DOP1A: variants seen among roughly 807,000 people sequenced by gnomAD.
DOP1A encodes the protein protein DOP1A.
A neutral mutation model predicts 267.6 loss-of-function variants in DOP1A; 90 were observed. The ratio of observed to expected loss-of-function variants is 0.34; its 90% CI spans 0.28 to 0.40. DOP1A has a LOEUF of 0.40. DOP1A is among the 10% of genes least tolerant of loss of function. The pLI is 1.00. For missense variants in DOP1A, 2,437 were observed against 2,900.4 expected, an observed-to-expected ratio of 0.84 and a Z score of 3.67; for synonymous variants, 932 against 999.1, an observed-to-expected ratio of 0.93 and a Z score of 1.27.
Position 83,167,845 on chromosome 6 carries a change from C to CTTTTT in DOP1A, c.7093-16_7093-12dup. ...TGTCTGTTGTATTAATACCAGTTCA[C>CTTTTT]TTTTTGTTTTCTGCAGAAAAATCCA... is the stretch of plus-strand genomic sequence containing the variant. On this transcript the variant is annotated splice_polypyrimidine_tract_variant and intron_variant, in intron 38 of 38. Transcript: ENST00000349129. 6.3e-7 allele frequency: 1 copy of CTTTTT among 1,592,956 alleles called. No homozygotes were observed. Among genetic ancestry groups the CTTTTT allele is most frequent in the Non-Finnish European group, 8.6e-7 (1 of 1,168,908 alleles).
At position 83,159,832 on chromosome 6, in the gene DOP1A, G is replaced by A. The variant is rs200352312; in HGVS notation, c.6834G>A (p.Thr2278=). The A allele has an allele frequency of 3.8e-5, 61 of 1,614,120 alleles. No homozygotes were observed. Among genetic ancestry groups the A allele is most frequent in the Non-Finnish European group, 4.8e-5 (57 of 1,180,030 alleles). Residue 2278 remains threonine (T), a synonymous_variant, in exon 37 of 39, where the codon ACG becomes ACA. Transcript: ENST00000349129. ...CCTCTGTGGCTGGTCTGGAGACAAC[G>A]TACACAGGAGGTAATGGCTTCTCTA... ...SGPSVAGLET[T]YTGGNGFSTS... is the part of the protein sequence containing the mutation.
chr6:83,139,877 T>C, intron 21 of DOP1A, 123 bp from the exon 22 acceptor site: 1 of 597,212 alleles, frequency 1.7e-6, no homozygotes, highest in Non-Finnish European at 2.9e-6. Flanking sequence ...TTTTAGCCAT[T>C]TGTTAATCTA....
chr6:83,137,712 G>A lies in DOP1A; in HGVS notation c.3670G>A (p.Gly1224Ser). 6.2e-7 allele frequency: 1 copy of A among 1,613,604 alleles called. No homozygotes were observed. The highest frequency in any genetic ancestry group is 8.5e-7 in the Non-Finnish European group (1 of 1,179,782). The change falls in exon 21 of 39, where the codon GGC becomes AGC. Residue 1224 changes from glycine (G) to serine (S), a missense_variant. Transcript: ENST00000349129. ...SQFLSVSAEG[G>S]HECVANGISR... ...GTTTCTGTCTGTGTCTGCAGAGGGA[G>A]GCCATGAGTGTGTGGCAAATGGAAT...
chr6:83,151,860 G>A (rs754140413), intron 28 of DOP1A, 23 bp from the exon 29 acceptor site: 24 of 1,611,172 alleles, frequency 1.5e-5, no homozygotes, highest in Non-Finnish European at 2.0e-5. Context: ...ACCATACATA[G>A]TTGTTCTTCC....
chr6:83,170,470 G>A (rs1470827052), downstream of DOP1A: 4 of 1,613,572 alleles, frequency 2.5e-6, no homozygotes, highest in Non-Finnish European at 3.4e-6. Flanking sequence ...TAACTCTCCT[G>A]TCTGCAACCT....
chr6:83,138,559 G>C lies in DOP1A; in HGVS notation c.4517G>C (p.Ser1506Thr). ...LFTELAKVIESSAKGFPSFIS... is the reference protein window; with the variant it reads ...LFTELAKVIETSAKGFPSFIS... Reference sequence around the variant, plus strand: ...ACTGAGCTGGCAAAAGTAATAGAAAGCTCAGCGAAGGGTTTCCCTAGTTTT... The same window carrying C: ...ACTGAGCTGGCAAAAGTAATAGAAACCTCAGCGAAGGGTTTCCCTAGTTTT... Residue 1506 changes from serine (S) to threonine (T), a missense_variant, in exon 21 of 39, where the codon AGC (serine) becomes ACC (threonine). Transcript: ENST00000349129. The C allele has an allele frequency of 1.9e-6, 3 of 1,613,806 alleles. No homozygotes were observed. The highest frequency in any genetic ancestry group is 2.5e-6 in the Non-Finnish European group (3 of 1,179,930).
chr6:83,118,877 AACTCTTTCAGGCC>A lies in DOP1A; in HGVS notation c.781-6_787del. The A allele has an allele frequency of 1.2e-6, 2 of 1,612,640 alleles. No individual in the cohort carries two copies. The highest frequency in any genetic ancestry group is 1.7e-6 in the Non-Finnish European group (2 of 1,178,842). On this transcript the variant is annotated splice_acceptor_variant and splice_polypyrimidine_tract_variant and coding_sequence_variant and intron_variant, in exon 8 of 39. Coordinates refer to ENST00000349129, the MANE Select transcript of DOP1A (RefSeq NM_015018.4). LOFTEE classifies it high-confidence loss of function. ...TATTGCTAAGTACAACCATATTCCT[AACTCTTTCAGGCC>A]ACTCGACCGGATATGATCAGGATCT...
In DOP1A at chr6:83,108,985, T is replaced by C. The variant is rs1279788012; in HGVS notation, c.396T>C (p.Tyr132=). The C allele has an allele frequency of 6.2e-7, 1 of 1,613,866 alleles. No homozygotes were observed. The highest frequency in any genetic ancestry group is 8.5e-7 in the Non-Finnish European group (1 of 1,179,888). Residue 132 remains tyrosine (Y), a synonymous_variant, in exon 5 of 39, where the codon TAT becomes TAC. Coordinates refer to ENST00000349129, the MANE Select transcript of DOP1A (RefSeq NM_015018.4). The stretch of plus-strand genomic sequence containing the variant: ...CATTGCTCAGTTTGTATGAGATATA[T>C]TATCTGCCTTTGGGTAAAACACTGA... The part of the protein sequence containing the change: ...KPTLLSLYEI[Y]YLPLGKTLKP...
intron 31 of DOP1A, 129 bp downstream of exon 31, chr6:83,153,749 A>G: frequency 8.5e-7 from 1 of 1,179,634 alleles, no homozygotes; most frequent in Non-Finnish European, 1.2e-6. Context: ...ATTGTTTAAA[A>G]AAATTCATAT....
rs952596056 is a variant in DOP1A at position 83,162,127 on chromosome 6, C to T, written c.6963-663C>T. ...TTGTGTGAATATATACTCTTTTGGG[C>T]ATAAACTCTCTGGACGGACTTACGA... On this transcript the variant is annotated intron_variant, in intron 37 of 38. Coordinates refer to ENST00000349129, the MANE Select transcript of DOP1A (RefSeq NM_015018.4). Among the ~76,000 whole-genome samples, 4 of 152,168 alleles carry T rather than the reference C, an allele frequency of 2.6e-5. No homozygotes were observed. In the South Asian group the frequency reaches 8.3e-4, roughly 32 times the overall value.
At chr6:83,131,934 G>GACAACGCCT (rs1354889884) in intron 17 of DOP1A, among the ~76,000 whole-genome samples, 1 of 152,136 alleles carries the variant, frequency 6.6e-6, no homozygotes, top group Middle Eastern at 3.2e-3. Flanking sequence ...ACCATGTTCA[G>GACAACGCCT]ACAACGCCTG....
chr6:83,139,988 A>G lies in DOP1A; in HGVS notation c.5121-12A>G. On this transcript the variant is annotated splice_polypyrimidine_tract_variant and intron_variant, in intron 21 of 38. Transcript: ENST00000349129. ...ATAAAACTTGTGTTTAAATGAATGCATTTTACTTCAGGCCTCTGTGGATGG... is the reference window on the plus strand; with the variant it reads ...ATAAAACTTGTGTTTAAATGAATGCGTTTTACTTCAGGCCTCTGTGGATGG... 6.3e-7 allele frequency: 1 copy of G among 1,586,778 alleles called. No individual in the cohort carries two copies. Among genetic ancestry groups the G allele is most frequent in the Non-Finnish European group, 8.6e-7 (1 of 1,156,810 alleles).
chr6:83,145,430 TA>T, intron 24 of DOP1A, 93 bp from the exon 25 acceptor site: 5 of 1,144,018 alleles, frequency 4.4e-6, no homozygotes, highest in Non-Finnish European at 4.7e-6. Flanking sequence ...TTAAAAAATA[TA>T]AAAAAAGAAG....
At position 83,148,942 on chromosome 6, in the gene DOP1A, A is replaced by G; in HGVS notation, c.5837+79A>G. ...TAGTTGCCAAGTATTAGTAATAGAT[A>G]TTTTAGGTGACAGTGATCTCTCTAC... is the stretch of plus-strand genomic sequence containing the variant. On this transcript the variant is annotated intron_variant, in intron 27 of 38. Coordinates refer to ENST00000349129, the MANE Select transcript of DOP1A (RefSeq NM_015018.4). 3.7e-6 allele frequency: 3 copies of G among 804,046 alleles called. No individual in the cohort carries two copies. The East Asian group carries it at 9.6e-5, about 26-fold the overall frequency. The allele number at this position is 804,046 out of a possible 1,614,324, so 49.8% of individuals were successfully genotyped here.
chr6:83,139,407 TC>T (rs1190712701), intron 21 of DOP1A, among the ~76,000 whole-genome samples: 1 of 152,172 alleles, frequency 6.6e-6, no homozygotes, highest in Non-Finnish European at 1.5e-5. Context: ...AAAATTAATT[TC>T]AATGCTCTTC....
chr6:83,128,880 C>T lies in DOP1A; in HGVS notation c.1720-7C>T. 1.3e-6 allele frequency: 2 copies of T among 1,515,022 alleles called. No homozygotes were observed. Among genetic ancestry groups the T allele is most frequent in the Non-Finnish European group, 1.8e-6 (2 of 1,133,580 alleles). The allele number at this position is 1,515,022 out of a possible 1,614,324, so 93.8% of individuals were successfully genotyped here. A position where few individuals can be genotyped will look rare whatever the true frequency, so the allele number is the denominator to read the frequency against. On this transcript the variant is annotated splice_polypyrimidine_tract_variant and splice_region_variant and intron_variant, in intron 15 of 38. Coordinates refer to ENST00000349129, the MANE Select transcript of DOP1A (RefSeq NM_015018.4). The stretch of plus-strand genomic sequence containing the variant: ...CAGCCTTTTGTTTTCTTAAAAATCT[C>T]TAACAGGTATCATCAGTTTCTCATG...
rs757163305 is a variant in DOP1A at position 83,147,240 on chromosome 6, ATCT to A, written c.5683_5685del (p.Leu1895del). On this transcript the variant is annotated inframe_deletion, in exon 26 of 39. Coordinates refer to ENST00000349129, the MANE Select transcript of DOP1A (RefSeq NM_015018.4). ...ATTGATTTCTTTTATTTATAGAAAC[ATCT>A]TTCTTTGGAAGTCTGCATGCTTCAG... 2.7e-6 allele frequency: 4 copies of A among 1,464,288 alleles called. No homozygotes were observed. The South Asian group carries it at 5.4e-5, about 20-fold the overall frequency. The allele number at this position is 1,464,288 out of a possible 1,614,324, so 90.7% of individuals were successfully genotyped here. A position where few individuals can be genotyped will look rare whatever the true frequency, so the allele number is the denominator to read the frequency against.
intron 1 of DOP1A, among the ~76,000 whole-genome samples, chr6:83,080,052 T>C (rs566252818): frequency 1.3e-5 from 2 of 152,294 alleles, no homozygotes; most frequent in East Asian, 3.9e-4. Flanking sequence ...ATGTGGTCAA[T>C]CTAGATAATT....
chr6:83,139,486 T>C (rs1779289423), intron 21 of DOP1A, among the ~76,000 whole-genome samples: 1 of 152,198 alleles, frequency 6.6e-6, no homozygotes, highest in East Asian at 1.9e-4. Context: ...TTGTCTGTTT[T>C]ATCTAAGTGC....
Sources: allele counts gnomAD v4.1 joint callset (sites outside exome capture counted in the v4.1 genomes callset), GRCh38; gene constraint gnomAD v4.1.1; transcripts MANE v1.5; gene names NCBI Gene and HGNC (gene_info 2026-07-23, HGNC 2026-07-21).